The following SH2D7 variants were observed in gnomAD, a reference collection of about 807,000 sequenced individuals.
SH2D7 encodes SH2 domain-containing protein 7.
In SH2D7, 32 loss-of-function variants were observed where a neutral mutation model predicts 40.8. That is an observed-to-expected ratio of 0.78 (90% CI 0.59 to 1.05). The LOEUF is 1.05. Ranked by LOEUF, SH2D7 falls within the 50% of genes least tolerant of loss-of-function variation. The pLI is 0.00. For missense variants in SH2D7, 559 were observed against 566.6 expected (o/e 0.99, Z 0.14); for synonymous variants, 195 against 221.5 (o/e 0.88, Z 1.06).
In SH2D7 at chr15:78,102,151, G is replaced by A. The variant is rs370019459; in HGVS notation, c.1305+593G>A. On this transcript the variant is annotated intron_variant, in intron 5 of 5. Coordinates refer to ENST00000328828, the MANE Select transcript of SH2D7 (RefSeq NM_001101404.2). Reference sequence around the variant, plus strand: ...AGTCTCAGCTACCTGGGGGGCAGAAGCAGGAGGATGGCTTGAACCTGGGAG... The same window carrying A: ...AGTCTCAGCTACCTGGGGGGCAGAAACAGGAGGATGGCTTGAACCTGGGAG... Among the ~76,000 whole-genome samples the A allele has an allele frequency of 9.2e-5, 14 of 152,264 alleles. No homozygotes were observed. In the South Asian group the frequency reaches 2.1e-3, roughly 23 times the overall value.
rs755004497 is a variant in SH2D7, at chr15:78,101,174, T to C, written c.921T>C (p.Gly307=). 1.1e-5 allele frequency: 18 copies of C among 1,580,404 alleles called. No individual in the cohort carries two copies. Among genetic ancestry groups the C allele is most frequent in the Non-Finnish European group, 1.5e-5 (17 of 1,165,794 alleles). ...TTTCTGGGGTGAGCCCAGACCAGGGTCCCACAGAGTCTCCCACTTCCTGGG... is the reference window on the plus strand; with the variant it reads ...TTTCTGGGGTGAGCCCAGACCAGGGCCCCACAGAGTCTCCCACTTCCTGGG... ...PVLSGVSPDQ[G]PTESPTSWGC... Residue 307 remains glycine, a synonymous_variant, in exon 5 of 6, where the codon GGT becomes GGC. Coordinates refer to ENST00000328828, the MANE Select transcript of SH2D7 (RefSeq NM_001101404.2).
chr15:78,092,576 C>A lies in SH2D7; in HGVS notation c.-9C>A. 6.5e-7 allele frequency: 1 copy of A among 1,543,714 alleles called. No homozygotes were observed. The highest frequency in any genetic ancestry group is 8.8e-7 in the Non-Finnish European group (1 of 1,142,140). The stretch of plus-strand genomic sequence containing the variant: ...GCTGCGCTCTGCTTCCACTCTGGTG[C>A]CTGCCAGCATGGAGGACAGCCTAAA... On this transcript the variant is annotated 5_prime_UTR_variant, in exon 1 of 6. Coordinates refer to ENST00000328828, the MANE Select transcript of SH2D7 (RefSeq NM_001101404.2).
In SH2D7 at chr15:78,092,619, G is replaced by A; in HGVS notation, c.35G>A (p.Arg12Lys). The A allele has an allele frequency of 1.9e-6, 3 of 1,554,372 alleles. No individual in the cohort carries two copies. Among genetic ancestry groups the A allele is most frequent in the Non-Finnish European group, 2.6e-6 (3 of 1,148,744 alleles). The stretch of plus-strand genomic sequence containing the variant: ...AGCCTAAAGCAGCTCAGCCTGGGGA[G>A]AGATCCTGAGGGGGCAGGGGACAGC... ...EDSLKQLSLGRDPEGAGDSQA... is the reference protein window; with the variant it reads ...EDSLKQLSLGKDPEGAGDSQA... Residue 12 changes from arginine (R) to lysine (K), a missense_variant, in exon 1 of 6, where the codon AGA (arginine) becomes AAA (lysine). Transcript: ENST00000328828.
In SH2D7 at chr15:78,103,878, G is replaced by A. The variant is rs543285375; in HGVS notation, c.*363G>A. The A allele has an allele frequency of 4.8e-5, 11 of 231,464 alleles. No homozygotes were observed. The highest frequency in any genetic ancestry group is 1.6e-4 in the African/African-American group (7 of 44,334). The allele number at this position is 231,464 out of a possible 1,614,324, so 14.3% of individuals were successfully genotyped here. A position where few individuals can be genotyped will look rare whatever the true frequency, so the allele number is the denominator to read the frequency against. ...TGCCTCCCACTACTGAGCACTTACC[G>A]AATGTGTGGCAGGCTGTGTGCTAGC... On this transcript the variant is annotated 3_prime_UTR_variant, in exon 6 of 6. Transcript: ENST00000328828.
chr15:78,099,480 A>ATTTTT (rs34331155), intron 4 of SH2D7, among the ~76,000 whole-genome samples: 1 of 133,130 alleles, frequency 7.5e-6, no homozygotes, highest in Non-Finnish European at 1.6e-5. Context: ...TGCCTGGCTA[A>ATTTTT]TTTTTTTTTT....
chr15:78,097,944 C>T lies in SH2D7; in HGVS notation c.282C>T (p.Cys94=). Residue 94 remains cysteine, a synonymous_variant, in exon 3 of 6, where the codon TGC becomes TGT. Transcript: ENST00000328828. ...TGTGTTGCAGGGGCAGTGATCGCTG[C>T]CGACATTTTGTCATCAACCAGCTTC... ...YILSYRGSDR[C]RHFVINQLRN... 6.2e-7 allele frequency: 1 copy of T among 1,613,882 alleles called. No homozygotes were observed.
At chr15:78,090,387 G>A (rs753704649), upstream of SH2D7, among the ~76,000 whole-genome samples, 10 of 152,138 alleles carry the variant, frequency 6.6e-5, no homozygotes, top group South Asian at 4.2e-4. Flanking sequence ...CAGCCTGGGC[G>A]ACAGAGCGAG....
intron 5 of SH2D7, 148 bp from the exon 6 acceptor site, chr15:78,103,317 C>T: frequency 1.2e-6 from 1 of 831,016 alleles, no homozygotes; most frequent in Non-Finnish European, 1.8e-6. Flanking sequence ...CTGGGAGAGG[C>T]TTGTGGAATC....
chr15:78,093,305 G>T (rs1378220624), intron 1 of SH2D7, among the ~76,000 whole-genome samples: 1 of 152,218 alleles, frequency 6.6e-6, no homozygotes, highest in East Asian at 1.9e-4. Flanking sequence ...CCAGCTTTAT[G>T]GTCACTGACT....
intron 4 of SH2D7, among the ~76,000 whole-genome samples, chr15:78,099,998 C>G (rs1377053983): frequency 6.6e-6 from 1 of 152,216 alleles, no homozygotes; most frequent in African/African-American, 2.4e-5. Flanking sequence ...CTGCCGTTCT[C>G]TCTATCCCAT....
At chr15:78,094,272 G>A (rs1295884647) in intron 2 of SH2D7, 71 bp downstream of exon 2, 9 of 1,440,054 alleles carry the variant, frequency 6.2e-6, no homozygotes, top group Non-Finnish European at 8.5e-6. Context: ...TAGTGCAGAG[G>A]CCCCACTGGC....
At chr15:78,100,115 C>T (rs1328817760) in intron 4 of SH2D7, among the ~76,000 whole-genome samples, 1 of 152,236 alleles carries the variant, frequency 6.6e-6, no homozygotes, top group Admixed American at 6.5e-5. Flanking sequence ...CTACACAGCG[C>T]AGCAGTAGGC....
upstream of SH2D7, among the ~76,000 whole-genome samples, chr15:78,090,336 A>T (rs1403153335): frequency 6.6e-6 from 1 of 152,148 alleles, no homozygotes; most frequent in Admixed American, 6.5e-5. Flanking sequence ...TGAACCCAGG[A>T]GGCAGAGGTT....
chr15:78,097,799 G>C (rs1044739805), intron 2 of SH2D7, 130 bp from the exon 3 acceptor site: 23 of 1,189,880 alleles, frequency 1.9e-5, no homozygotes, highest in Non-Finnish European at 2.6e-5. Flanking sequence ...AGTGGCCCCA[G>C]GTCAGGCAGG....
chr15:78,098,319 G>A (rs1157953498), intron 3 of SH2D7, 65 bp from the exon 4 acceptor site: 2 of 1,569,550 alleles, frequency 1.3e-6, no homozygotes, highest in Admixed American at 3.4e-5. Flanking sequence ...AGCAGTCTCA[G>A]GCAGGCAGCT....
chr15:78,098,921 C>T (rs966389312), intron 4 of SH2D7, among the ~76,000 whole-genome samples: 5 of 152,192 alleles, frequency 3.3e-5, no homozygotes, highest in African/African-American at 9.6e-5. Flanking sequence ...ATATGAAATG[C>T]CTGAATATCC....
At chr15:78,094,243 A>G (rs1467433068) in intron 2 of SH2D7, 42 bp downstream of exon 2, 2 of 1,570,870 alleles carry the variant, frequency 1.3e-6, no homozygotes, top group South Asian at 1.2e-5. Context: ...TCATCCTACC[A>G]TAACCTAGCC....
intron 1 of SH2D7, 25 bp from the exon 2 acceptor site, chr15:78,094,087 A>G: frequency 6.3e-7 from 1 of 1,587,384 alleles, no homozygotes; most frequent in Middle Eastern, 1.7e-4. Context: ...CACAGACCCC[A>G]GCTAATGGCA....
Position 78,103,877 on chromosome 15 carries a change from C to T in SH2D7, c.*362C>T, listed in dbSNP as rs574398526. The T allele has an allele frequency of 4.8e-5, 11 of 231,284 alleles. No individual in the cohort carries two copies. Among genetic ancestry groups the T allele is most frequent in the East Asian group, 2.2e-4 (2 of 9,302 alleles). 14.3% of individuals were successfully genotyped at this position (231,284 alleles called of 1,614,324 possible). On this transcript the variant is annotated 3_prime_UTR_variant, in exon 6 of 6. Coordinates refer to ENST00000328828, the MANE Select transcript of SH2D7 (RefSeq NM_001101404.2). Reference sequence around the variant, plus strand: ...CTGCCTCCCACTACTGAGCACTTACCGAATGTGTGGCAGGCTGTGTGCTAG... The same window carrying T: ...CTGCCTCCCACTACTGAGCACTTACTGAATGTGTGGCAGGCTGTGTGCTAG...
Sources: allele counts gnomAD v4.1 joint callset (sites outside exome capture counted in the v4.1 genomes callset), GRCh38; gene constraint gnomAD v4.1.1; transcripts MANE v1.5; gene names NCBI Gene and HGNC (gene_info 2026-07-23, HGNC 2026-07-21).